Variants in PPP1R12A observed in about 807,000 individuals in gnomAD.
PPP1R12A encodes protein phosphatase 1 regulatory subunit 12A.
In PPP1R12A, 19 loss-of-function variants were observed where a neutral mutation model predicts 139.6. That is an observed-to-expected ratio of 0.14 (90% CI 0.09 to 0.20). The LOEUF (loss-of-function observed/expected upper bound fraction) is 0.20. PPP1R12A is among the 10% of genes least tolerant of loss of function. The pLI is 1.00. For synonymous variants in PPP1R12A, 427 were observed against 420.6 expected, an observed-to-expected ratio of 1.02 and a Z score of -0.19; for missense variants, 925 against 1,211.5, an observed-to-expected ratio of 0.76 and a Z score of 3.51.
chr12:79,929,135 G>A (rs1049455747), intron 1 of PPP1R12A, among the ~76,000 whole-genome samples: 6 of 152,132 alleles, frequency 3.9e-5, no homozygotes, highest in African/African-American at 1.4e-4. Flanking sequence ...TGCTCATAAA[G>A]AGCACACAAC....
upstream of PPP1R12A, chr12:79,935,338 G>A (rs1888588735): frequency 8.8e-6 from 9 of 1,025,244 alleles, no homozygotes; most frequent in Non-Finnish European, 1.1e-5. Flanking sequence ...CCAGGCAGCG[G>A]GGGCTGGGAC....
intron 24 of PPP1R12A, chr12:79,777,146 C>T (rs1869825578): frequency 1.1e-6 from 1 of 897,400 alleles, no homozygotes. Flanking sequence ...TAATCTTCAG[C>T]TTCAAAATAT....
chr12:79,806,997 C>A (rs1175719497), intron 12 of PPP1R12A: 2 of 308,666 alleles, frequency 6.5e-6, no homozygotes, highest in African/African-American at 2.2e-5. Context: ...TGTAACAATC[C>A]AAAAAACATT....
chr12:79,930,414 A>G (rs548150276), intron 1 of PPP1R12A, among the ~76,000 whole-genome samples: 5 of 152,284 alleles, frequency 3.3e-5, no homozygotes, highest in East Asian at 3.9e-4. Flanking sequence ...AGCAATATGC[A>G]TGCTAGATTA....
At chr12:79,873,490 A>T (rs1207950386) in intron 1 of PPP1R12A, among the ~76,000 whole-genome samples, 3 of 97,302 alleles carry the variant, frequency 3.1e-5, no homozygotes, top group Non-Finnish European at 6.9e-5. Flanking sequence ...CTTTGTACTC[A>T]TAATTTAAAA....
At chr12:79,814,687 G>T (rs1241058926) in intron 9 of PPP1R12A, among the ~76,000 whole-genome samples, 1 of 148,804 alleles carries the variant, frequency 6.7e-6, no homozygotes, top group Non-Finnish European at 1.5e-5. Context: ...GTGGTGGCAG[G>T]TGTCTGTAAT....
intron 1 of PPP1R12A, among the ~76,000 whole-genome samples, chr12:79,922,618 A>C (rs529246818): frequency 2.0e-3 from 310 of 152,306 alleles, no homozygotes; most frequent in Non-Finnish European, 3.4e-3. Context: ...GTTCTCACTC[A>C]TAAGTGGAAG....
In PPP1R12A at chr12:79,864,698, A is replaced by G. The variant is rs149002949; in HGVS notation, c.368+8110T>C. Among the ~76,000 whole-genome samples the G allele has an allele frequency of 4.4e-3, 678 of 152,372 alleles. 5 individuals carry two copies. Among genetic ancestry groups the G allele is most frequent in the Middle Eastern group, 0.024 (7 of 292 alleles). On this transcript the variant is annotated intron_variant, in intron 2 of 24. Transcript: ENST00000450142. ...ATCAGAGAATACTATAAACACTTCT[A>G]TGCAAATAAACTAGAAAATCTAGAA... is the stretch of plus-strand genomic sequence containing the variant.
chr12:79,865,819 G>A (rs1881899128), intron 2 of PPP1R12A, among the ~76,000 whole-genome samples: 2 of 152,082 alleles, frequency 1.3e-5, no homozygotes, highest in Non-Finnish European at 2.9e-5. Context: ...AAATAAGAGA[G>A]GACACAAACA....
At chr12:79,808,008 C>T (rs1874063681) in intron 11 of PPP1R12A, among the ~76,000 whole-genome samples, 1 of 149,974 alleles carries the variant, frequency 6.7e-6, no homozygotes, top group Non-Finnish European at 1.5e-5. Context: ...TGCACTCCAG[C>T]GTGGGTGACA....
intron 17 of PPP1R12A, among the ~76,000 whole-genome samples, chr12:79,796,211 T>A (rs542283776): frequency 6.6e-6 from 1 of 152,262 alleles, no homozygotes; most frequent in East Asian, 1.9e-4. Context: ...AATGCCTATA[T>A]TTAGTACTTA....
At chr12:79,789,974 A>C (rs1407041679) in intron 20 of PPP1R12A, among the ~76,000 whole-genome samples, 2 of 150,772 alleles carry the variant, frequency 1.3e-5, no homozygotes, top group Non-Finnish European at 3.0e-5. Flanking sequence ...TTTTTGGTAG[A>C]GATGGAGTCT....
At chr12:79,858,045 T>G (rs1007178737) in intron 2 of PPP1R12A, among the ~76,000 whole-genome samples, 1 of 152,168 alleles carries the variant, frequency 6.6e-6, no homozygotes, top group Non-Finnish European at 1.5e-5. Flanking sequence ...AGATCTTAAT[T>G]TCTCTAAGAC....
At chr12:79,913,087 C>T (rs1319429951) in intron 1 of PPP1R12A, among the ~76,000 whole-genome samples, 2 of 152,188 alleles carry the variant, frequency 1.3e-5, no homozygotes, top group Non-Finnish European at 2.9e-5. Context: ...TCTTAATTTG[C>T]ATTTCTCTGG....
At chr12:79,835,569 T>C (rs185572276) in intron 3 of PPP1R12A, among the ~76,000 whole-genome samples, 4 of 152,320 alleles carry the variant, frequency 2.6e-5, no homozygotes, top group African/African-American at 7.2e-5. Context: ...CTTTGACTAC[T>C]GCTACCAGCC....
At chr12:79,876,079 T>C (rs1883071966) in intron 1 of PPP1R12A, among the ~76,000 whole-genome samples, 1 of 152,192 alleles carries the variant, frequency 6.6e-6, no homozygotes, top group Admixed American at 6.5e-5. Flanking sequence ...AAGCAATGCA[T>C]AAATAAGATA....
At chr12:79,934,085 G>T (rs573719607) in intron 1 of PPP1R12A, among the ~76,000 whole-genome samples, 1 of 152,230 alleles carries the variant, frequency 6.6e-6, no homozygotes, top group South Asian at 2.1e-4. Context: ...AGCCGGTGCA[G>T]ATCAGCTAAT....
intron 1 of PPP1R12A, among the ~76,000 whole-genome samples, chr12:79,905,698 C>T (rs1451123861): frequency 1.3e-5 from 2 of 152,136 alleles, no homozygotes; most frequent in Non-Finnish European, 2.9e-5. Flanking sequence ...CACTCTTAAC[C>T]CATGTATGTA....
chr12:79,783,659 C>A (rs1870760092), intron 22 of PPP1R12A, among the ~76,000 whole-genome samples: 1 of 151,772 alleles, frequency 6.6e-6, no homozygotes, highest in South Asian at 2.1e-4. Flanking sequence ...TCAAAAGCAC[C>A]TGAAAAAAAT....
Sources: gnomAD v4.1 joint callset for allele counts (sites outside exome capture counted in the v4.1 genomes callset) on GRCh38, gnomAD v4.1.1 for gene constraint, MANE v1.5 for transcripts, NCBI Gene and HGNC (gene_info 2026-07-23, HGNC 2026-07-21) for gene names.